Variants in TMTC1 observed in about 807,000 individuals in gnomAD.
TMTC1 encodes transmembrane O-mannosyltransferase targeting cadherins 1, also known as protein O-mannosyl-transferase TMTC1.
TMTC1 carries 73 observed loss-of-function variants against 104.8 expected under a neutral mutation model. That is an observed-to-expected ratio of 0.70 (90% CI 0.58 to 0.85). The LOEUF (loss-of-function observed/expected upper bound fraction) is 0.85, where lower values mean the gene tolerates loss of function less well. TMTC1 is among the 40% of genes least tolerant of loss of function. The pLI is 0.00. For synonymous variants in TMTC1, 434 were observed against 428.7 expected, an observed-to-expected ratio of 1.01 and a Z score of -0.15; for missense variants, 1,035 against 1,096.1, an observed-to-expected ratio of 0.94 and a Z score of 0.79.
At chr12:29,699,429 T>C (rs1941516677) in intron 5 of TMTC1, among the ~76,000 whole-genome samples, 1 of 152,198 alleles carries the variant, frequency 6.6e-6, no homozygotes, top group African/African-American at 2.4e-5. Context: ...TACAACGTTA[T>C]ATGACAGAAA....
intron 5 of TMTC1, among the ~76,000 whole-genome samples, chr12:29,643,532 TATAA>T (rs1938986311): frequency 1.5e-5 from 1 of 64,726 alleles, no homozygotes; most frequent in Non-Finnish European, 2.8e-5. Context: ...ATATAAAATA[TATAA>T]TATATATCAC....
intron 5 of TMTC1, among the ~76,000 whole-genome samples, chr12:29,721,066 T>C (rs1942224590): frequency 6.6e-6 from 1 of 152,286 alleles, no homozygotes; most frequent in Non-Finnish European, 1.5e-5. Flanking sequence ...AAAAATTAAA[T>C]TGAAATAATG....
chr12:29,680,111 G>C (rs960133420), intron 5 of TMTC1, among the ~76,000 whole-genome samples: 1 of 152,146 alleles, frequency 6.6e-6, no homozygotes, highest in Non-Finnish European at 1.5e-5. Context: ...GTGTCGTTAG[G>C]AACCAGAGTT....
intron 17 of TMTC1, among the ~76,000 whole-genome samples, chr12:29,507,785 C>T (rs1379062794): frequency 6.6e-6 from 1 of 152,180 alleles, no homozygotes; most frequent in Non-Finnish European, 1.5e-5. Context: ...TATTACCTCC[C>T]TTATTCGTTC....
intron 5 of TMTC1, among the ~76,000 whole-genome samples, chr12:29,644,753 C>T (rs1046344775): frequency 6.6e-6 from 1 of 152,022 alleles, no homozygotes; most frequent in Non-Finnish European, 1.5e-5. Context: ...GCAGTTCTGT[C>T]CCCAGCCTCT....
Position 29,536,335 on chromosome 12 carries a change from G to T in TMTC1, c.1677-18C>A, listed in dbSNP as rs1944642183. 7 of 1,453,084 alleles carry T rather than the reference G, an allele frequency of 4.8e-6. No homozygotes were observed. The highest frequency in any genetic ancestry group is 6.7e-6 in the Non-Finnish European group (7 of 1,047,054). 90.0% of individuals were successfully genotyped at this position (1,453,084 alleles called of 1,614,324 possible). A position where few individuals can be genotyped will look rare whatever the true frequency, so the allele number is the denominator to read the frequency against. ...CCTGGGACCTATAGATAATAATGAA[G>T]GGGTGGGGGAGAACATCTTTTAATA... On this transcript the variant is annotated intron_variant, in intron 10 of 17. Coordinates refer to ENST00000539277, the MANE Select transcript of TMTC1 (RefSeq NM_001193451.2).
chr12:29,756,213 GCTCAGGGGCCAGGTTCC>G (rs1943211993), intron 3 of TMTC1, among the ~76,000 whole-genome samples: 1 of 152,192 alleles, frequency 6.6e-6, no homozygotes, highest in Non-Finnish European at 1.5e-5. Context: ...ATATGCATAA[GCTCAGGGGCCAGGTTCC>G]CTGGGTTCCC....
chr12:29,692,100 C>T (rs544887947), intron 5 of TMTC1, among the ~76,000 whole-genome samples: 1 of 145,442 alleles, frequency 6.9e-6, no homozygotes, highest in Non-Finnish European at 1.5e-5. Context: ...CAAATTATTA[C>T]CAATGTTTTC....
chr12:29,518,474 C>A lies in TMTC1; in HGVS notation c.2022G>T (p.Lys674Asn). ...AAAGAAAAGAAAGGGAACTTTACCG[C>A]TTGTACCATTCTTCAGCCATGCTGT... ...GENSMAEEWY[K>N]RALQVAHKAE... Residue 674 changes from lysine to asparagine, a missense_variant and splice_region_variant, in exon 13 of 18, where the codon AAG becomes AAT. Coordinates refer to ENST00000539277, the MANE Select transcript of TMTC1 (RefSeq NM_001193451.2). 1 of 1,613,152 alleles carries A rather than the reference C, an allele frequency of 6.2e-7. No homozygotes were observed. Among genetic ancestry groups the A allele is most frequent in the Non-Finnish European group, 8.5e-7 (1 of 1,179,350 alleles).
At chr12:29,609,439 C>T (rs1946786484) in intron 6 of TMTC1, among the ~76,000 whole-genome samples, 1 of 152,202 alleles carries the variant, frequency 6.6e-6, no homozygotes, top group Admixed American at 6.5e-5. Context: ...TGATGGTAGT[C>T]ACCAATGAAT....
rs551882219 is a variant in TMTC1, at chr12:29,545,714, C to T, written c.1677-9397G>A. ...AGCCTCAGCAAAGTTTAAATTTCCCCGAGCTGTTCAACTGCAGGGGTAGAA... is the reference window on the plus strand; with the variant it reads ...AGCCTCAGCAAAGTTTAAATTTCCCTGAGCTGTTCAACTGCAGGGGTAGAA... On this transcript the variant is annotated intron_variant, in intron 10 of 17. Transcript: ENST00000539277. Among the ~76,000 whole-genome samples the T allele has an allele frequency of 4.0e-5, 6 of 150,620 alleles. No homozygotes were observed. The South Asian group carries it at 8.4e-4, about 21-fold the overall frequency.
chr12:29,549,000 A>T (rs1383800398), intron 10 of TMTC1, among the ~76,000 whole-genome samples: 1 of 145,236 alleles, frequency 6.9e-6, no homozygotes, highest in Non-Finnish European at 1.5e-5. Context: ...TAAATATATA[A>T]ATTATATATT....
rs1944728894 is a variant in TMTC1 at position 29,539,285 on chromosome 12, G to A, written c.1677-2968C>T. Among the ~76,000 whole-genome samples, 6 of 151,870 alleles carry A rather than the reference G, an allele frequency of 4.0e-5. No individual in the cohort carries two copies. The South Asian group carries it at 1.0e-3, about 26-fold the overall frequency. On this transcript the variant is annotated intron_variant, in intron 10 of 17. Coordinates refer to ENST00000539277, the MANE Select transcript of TMTC1 (RefSeq NM_001193451.2). ...CTTTTTCATATCTGTATTATAGCAC[G>A]TTTCTCTGATAATTATCCCATATTA...
At position 29,751,663 on chromosome 12, in the gene TMTC1, TACCTCATCATGGA is replaced by T; in HGVS notation, c.928_938+2del. 6.2e-7 allele frequency: 1 copy of T among 1,614,060 alleles called. No individual in the cohort carries two copies. The highest frequency in any genetic ancestry group is 8.5e-7 in the Non-Finnish European group (1 of 1,179,980). On this transcript the variant is annotated splice_donor_variant and coding_sequence_variant, in exon 5 of 18. Coordinates refer to ENST00000539277, the MANE Select transcript of TMTC1 (RefSeq NM_001193451.2). LOFTEE classifies it high-confidence loss of function. The stretch of plus-strand genomic sequence containing the variant: ...GCAGGGACCAAGAAACCCAGCCCAG[TACCTCATCATGGA>T]CCACACAGCTCGTGGGGACACTGGG...
At chr12:29,656,411 G>C (rs989052556) in intron 5 of TMTC1, among the ~76,000 whole-genome samples, 3 of 148,642 alleles carry the variant, frequency 2.0e-5, no homozygotes, top group African/African-American at 7.5e-5. Flanking sequence ...CCAGGCTGGA[G>C]TGGTGCAATC....
intron 6 of TMTC1, among the ~76,000 whole-genome samples, chr12:29,608,721 T>C (rs997323732): frequency 1.3e-5 from 2 of 152,166 alleles, no homozygotes; most frequent in Non-Finnish European, 2.9e-5. Flanking sequence ...GTGAAAATCC[T>C]GTCTTAACAC....
At chr12:29,630,889 A>T (rs117928994) in intron 6 of TMTC1, among the ~76,000 whole-genome samples, 2,173 of 152,248 alleles carry the variant, frequency 0.014, 15 homozygotes, top group Non-Finnish European at 0.021. Context: ...ATGTATAAGG[A>T]TTCCAGTTGC....
chr12:29,762,426 T>C (rs1396237908), intron 2 of TMTC1, among the ~76,000 whole-genome samples: 3 of 152,250 alleles, frequency 2.0e-5, no homozygotes, highest in African/African-American at 7.2e-5. Context: ...AACACTGAGA[T>C]AGGTTTTCCT....
intron 5 of TMTC1, among the ~76,000 whole-genome samples, chr12:29,675,819 T>C (rs903364304): frequency 3.3e-5 from 5 of 152,130 alleles, no homozygotes; most frequent in Non-Finnish European, 7.3e-5. Context: ...ATATAAGGTA[T>C]TCTTAATAGC....
Sources: gnomAD v4.1 joint callset for allele counts (sites outside exome capture counted in the v4.1 genomes callset) on GRCh38, gnomAD v4.1.1 for gene constraint, MANE v1.5 for transcripts, NCBI Gene and HGNC (gene_info 2026-07-23, HGNC 2026-07-21) for gene names.